DENND2A: variants seen among roughly 807,000 people sequenced by gnomAD.
DENND2A encodes the protein DENN domain containing 2A.
DENND2A carries 53 observed loss-of-function variants against 105.3 expected under a neutral mutation model. The observed-to-expected ratio is 0.50, with a 90% CI of 0.40 to 0.63. The LOEUF is 0.63. DENND2A is among the 30% of genes least tolerant of loss of function. The probability of loss-of-function intolerance (pLI) is 0.00; values close to 1 mark genes in which losing one functional copy is unlikely to be tolerated. For missense variants in DENND2A, 1,138 were observed against 1,279.6 expected, an observed-to-expected ratio of 0.89 and a Z score of 1.69; for synonymous variants, 522 against 508.4, an observed-to-expected ratio of 1.03 and a Z score of -0.36.
chr7:140,622,033 T>C lies in DENND2A; in HGVS notation c.-247-16227A>G, dbSNP rs192432564. Among the ~76,000 whole-genome samples the C allele has an allele frequency of 2.0e-5, 3 of 152,324 alleles. No homozygotes were observed. The East Asian group carries it at 5.8e-4, about 29-fold the overall frequency. On this transcript the variant is annotated intron_variant, in intron 1 of 19. Transcript: ENST00000496613. ...AACACACAAACCAAGGCAGAATCTG[T>C]GAACACAACTTGTGTAGACTTTCTG...
intron 17 of DENND2A, 94 bp from the exon 18 acceptor site, chr7:140,522,194 C>T (rs1007450798): frequency 1.8e-5 from 26 of 1,483,530 alleles, no homozygotes; most frequent in Non-Finnish European, 2.2e-5. Flanking sequence ...AGAACAGTAA[C>T]TGCTAGTTCC....
chr7:140,521,655 G>A (rs1795864257), intron 18 of DENND2A, among the ~76,000 whole-genome samples, 200 bp downstream of exon 18: 1 of 152,216 alleles, frequency 6.6e-6, no homozygotes, highest in African/African-American at 2.4e-5. Flanking sequence ...GGTTCTGGGA[G>A]AGGCTGGCAG....
At chr7:140,602,765 G>A (rs563568294) in intron 2 of DENND2A, among the ~76,000 whole-genome samples, 4 of 152,040 alleles carry the variant, frequency 2.6e-5, no homozygotes, top group Non-Finnish European at 4.4e-5. Context: ...TTGAGGCCAG[G>A]AGTTCAAAAC....
intron 8 of DENND2A, 72 bp downstream of exon 8, chr7:140,568,691 T>C (rs1358076122): frequency 6.6e-7 from 1 of 1,509,448 alleles, no homozygotes; most frequent in Non-Finnish European, 9.2e-7. Flanking sequence ...TCCCTCATAC[T>C]AAGGAGGAGG....
At chr7:140,547,869 C>T (rs1320711845) in intron 12 of DENND2A, among the ~76,000 whole-genome samples, 2 of 152,108 alleles carry the variant, frequency 1.3e-5, no homozygotes, top group Non-Finnish European at 2.9e-5. Context: ...ATGAAAGAAG[C>T]TAGTCATAAA....
intron 7 of DENND2A, 36 bp downstream of exon 7, chr7:140,569,609 T>G (rs749381157): frequency 4.9e-6 from 7 of 1,421,970 alleles, no homozygotes; most frequent in Non-Finnish European, 7.0e-6. Context: ...TCTTTTCCGA[T>G]TCTTGCGGGA....
chr7:140,589,316 A>C (rs950723330), intron 3 of DENND2A, among the ~76,000 whole-genome samples: 28 of 152,222 alleles, frequency 1.8e-4, no homozygotes, highest in Non-Finnish European at 5.9e-5. Context: ...ACAAAACTGC[A>C]TTACACAGTG....
chr7:140,573,991 AGGT>A lies in DENND2A; in HGVS notation c.1260_1262del (p.Lys420_Pro421delinsAsn). ...TCTCTGAATTTTGTCGGAAAAAAGC[AGGT>A]TTGGACAATGACTGCTGTGAAGGAA... On this transcript the variant is annotated inframe_deletion, in exon 6 of 20. Transcript: ENST00000496613. 1 of 1,614,186 alleles carries A rather than the reference AGGT, an allele frequency of 6.2e-7. No individual in the cohort carries two copies. The highest frequency in any genetic ancestry group is 8.5e-7 in the Non-Finnish European group (1 of 1,180,038).
intron 3 of DENND2A, among the ~76,000 whole-genome samples, chr7:140,591,974 CCCTCTCCCT>C (rs1799066519): frequency 4.4e-5 from 2 of 45,352 alleles, no homozygotes; most frequent in African/African-American, 9.7e-5. Flanking sequence ...CCTCCCCCTC[CCCTCTCCCT>C]CCTCTCCCCT....
At chr7:140,534,292 C>A (rs928605841) in intron 14 of DENND2A, among the ~76,000 whole-genome samples, 2 of 151,244 alleles carry the variant, frequency 1.3e-5, no homozygotes, top group African/African-American at 4.9e-5. Flanking sequence ...ACCATGTTGG[C>A]CTGGCTTATC....
chr7:140,568,086 G>A (rs1237461962), intron 8 of DENND2A, among the ~76,000 whole-genome samples: 5 of 152,062 alleles, frequency 3.3e-5, no homozygotes, highest in African/African-American at 4.8e-5. Context: ...GATTACAGGC[G>A]CCTGCCACCA....
intron 1 of DENND2A, among the ~76,000 whole-genome samples, chr7:140,625,399 TCTGGGTG>T (rs1800483267): frequency 1.4e-5 from 2 of 139,600 alleles, no homozygotes; most frequent in Non-Finnish European, 3.1e-5. Context: ...AAAAGAACAG[TCTGGGTG>T]CTGTGGCTCA....
intron 2 of DENND2A, among the ~76,000 whole-genome samples, chr7:140,603,373 A>C (rs1799587594): frequency 6.6e-6 from 1 of 152,228 alleles, no homozygotes; most frequent in African/African-American, 2.4e-5. Flanking sequence ...ATCCACAGGC[A>C]GTTCTTTGCA....
intron 14 of DENND2A, among the ~76,000 whole-genome samples, chr7:140,541,136 C>T (rs1234382934): frequency 1.3e-5 from 2 of 152,066 alleles, no homozygotes; most frequent in Admixed American, 6.6e-5. Context: ...CTTTTCTCTC[C>T]CTGCACTTAA....
At chr7:140,554,022 T>A (rs1231565582) in intron 12 of DENND2A, among the ~76,000 whole-genome samples, 1 of 151,622 alleles carries the variant, frequency 6.6e-6, no homozygotes, top group African/African-American at 2.4e-5. Flanking sequence ...GGTCAGGAGA[T>A]CAAGACCATC....
intron 2 of DENND2A, among the ~76,000 whole-genome samples, 182 bp downstream of exon 2, chr7:140,605,523 C>CTT (rs113822626): frequency 0.12 from 18,761 of 152,140 alleles, 3,220 homozygotes; most frequent in African/African-American, 0.39. Context: ...CAGACTCTCT[C>CTT]GATCAGTTTG....
chr7:140,620,864 G>T (rs796398877), intron 1 of DENND2A, among the ~76,000 whole-genome samples: 1 of 152,168 alleles, frequency 6.6e-6, no homozygotes, highest in Non-Finnish European at 1.5e-5. Flanking sequence ...TCCAAAGAGC[G>T]ATTATGTGGA....
intron 5 of DENND2A, among the ~76,000 whole-genome samples, chr7:140,578,059 G>T (rs1798379259): frequency 6.6e-6 from 1 of 152,126 alleles, no homozygotes; most frequent in African/African-American, 2.4e-5. Flanking sequence ...CTGCTGAGAG[G>T]CTCCCAGACA....
In DENND2A at chr7:140,527,101, A is replaced by G. The variant is rs114785488; in HGVS notation, c.2505+217T>C. Among the ~76,000 whole-genome samples, 900 of 152,284 alleles carry G rather than the reference A, an allele frequency of 5.9e-3. 7 individuals are homozygous for G. The highest frequency in any genetic ancestry group is 0.02 in the African/African-American group (831 of 41,576). On this transcript the variant is annotated intron_variant, in intron 15 of 19. Transcript: ENST00000496613. This position sits in a 1 kb window ranked among gnomAD's most constrained non-coding sequence, Gnocchi z 4.9. ...TTCTCAAGAGGTGCTCATACCAGGC[A>G]TTTCATTTGGAAGGGAAAACAGTGT...
Sources: gnomAD v4.1 joint callset for allele counts (sites outside exome capture counted in the v4.1 genomes callset) on GRCh38, gnomAD v4.1.1 for gene constraint, Gnocchi (gnomAD v3.1) non-coding constraint, MANE v1.5 for transcripts, NCBI Gene and HGNC (gene_info 2026-07-23, HGNC 2026-07-21) for gene names.